Variants in PTPRM observed in about 807,000 individuals in gnomAD.
The protein encoded by PTPRM is protein tyrosine phosphatase receptor type M.
Under a neutral mutation model 186.7 loss-of-function variants are expected in PTPRM, and 47 were observed. The observed-to-expected ratio is 0.25, with a 90% confidence interval of 0.20 to 0.32. The LOEUF is 0.32. Ranked by LOEUF, PTPRM falls within the 10% of genes least tolerant of loss-of-function variation. The pLI is 1.00. For synonymous variants in PTPRM, 668 were observed against 674.9 expected (o/e 0.99, Z 0.16); for missense variants, 1,494 against 1,865.0 (o/e 0.80, Z 3.66).
chr18:7,848,063 A>C (rs1295063953), intron 2 of PTPRM, among the ~76,000 whole-genome samples: 2 of 152,230 alleles, frequency 1.3e-5, no homozygotes, highest in African/African-American at 2.4e-5. Context: ...TTTACATTTC[A>C]AAATATGTGG....
intron 17 of PTPRM, chr18:8,251,734 A>C (rs2094529846): frequency 6.6e-6 from 1 of 152,240 alleles, no homozygotes; most frequent in African/African-American, 2.4e-5. Context: ...AGGTTCCCAA[A>C]CCAGGCCCTG....
chr18:8,103,378 T>A (rs2091378313), intron 11 of PTPRM, among the ~76,000 whole-genome samples: 1 of 152,260 alleles, frequency 6.6e-6, no homozygotes, highest in South Asian at 2.1e-4. Flanking sequence ...TCAATGACTT[T>A]AGCTAGATCT....
intron 31 of PTPRM, among the ~76,000 whole-genome samples, chr18:8,390,860 G>A (rs752741954): frequency 2.0e-5 from 3 of 151,922 alleles, no homozygotes; most frequent in South Asian, 4.2e-4. Flanking sequence ...CCCGGGAGGC[G>A]GAGCTTGCAG....
chr18:8,400,017 G>T (rs1340955707), intron 32 of PTPRM, among the ~76,000 whole-genome samples: 2 of 152,182 alleles, frequency 1.3e-5, no homozygotes, highest in Admixed American at 1.3e-4. Context: ...ATAAAGGGTG[G>T]TAAAGCAGTG....
intron 13 of PTPRM, among the ~76,000 whole-genome samples, chr18:8,128,273 G>C (rs1257585645): frequency 6.6e-6 from 1 of 152,124 alleles, no homozygotes; most frequent in African/African-American, 2.4e-5. Flanking sequence ...GTAGTATTCT[G>C]TAAATATAAG....
intron 30 of PTPRM, among the ~76,000 whole-genome samples, chr18:8,385,529 G>A (rs999240291): frequency 2.0e-5 from 3 of 152,168 alleles, no homozygotes; most frequent in African/African-American, 4.8e-5. Context: ...AGAAGGAAGG[G>A]TCAGTGCAGA....
chr18:8,343,054 C>T (rs1446341285), intron 22 of PTPRM, among the ~76,000 whole-genome samples: 1 of 152,196 alleles, frequency 6.6e-6, no homozygotes, highest in Non-Finnish European at 1.5e-5. Context: ...CCTGGGATAT[C>T]TGCTAATTGT....
chr18:8,239,975 A>G (rs2094397312), intron 14 of PTPRM, among the ~76,000 whole-genome samples: 1 of 152,228 alleles, frequency 6.6e-6, no homozygotes, highest in Admixed American at 6.5e-5. Context: ...TGGAAAATAA[A>G]TTTACTTGTG....
rs1044762979 is a variant in PTPRM, at chr18:7,866,374, C to T, written c.197-21732C>T. Among the ~76,000 whole-genome samples, 5 of 152,120 alleles carry T rather than the reference C, an allele frequency of 3.3e-5. No individual in the cohort carries two copies. The South Asian group carries it at 6.2e-4, about 19-fold the overall frequency. ...CTGCTTTATCTGTGTCCCAGAGATT[C>T]TGGTATGTTGTGTCTGTGTTCTCAT... On this transcript the variant is annotated intron_variant, in intron 2 of 32. Coordinates refer to ENST00000580170, the MANE Select transcript of PTPRM (RefSeq NM_001105244.2).
At chr18:7,971,130 G>A (rs1382514471) in intron 7 of PTPRM, among the ~76,000 whole-genome samples, 2 of 51,770 alleles carry the variant, frequency 3.9e-5, no homozygotes, top group South Asian at 8.0e-4. Context: ...CAATGGAACA[G>A]AACAGAGCCC....
chr18:7,788,642 G>A (rs924958696), intron 2 of PTPRM, among the ~76,000 whole-genome samples: 3 of 152,172 alleles, frequency 2.0e-5, no homozygotes, highest in Non-Finnish European at 4.4e-5. Context: ...TGTTTTGAAA[G>A]ACTTGAAAAT....
intron 11 of PTPRM, among the ~76,000 whole-genome samples, chr18:8,105,718 G>A (rs957992641): frequency 1.3e-5 from 2 of 152,180 alleles, no homozygotes; most frequent in Non-Finnish European, 2.9e-5. Flanking sequence ...GGGCGCCTGT[G>A]GGAGGGTGTA....
In PTPRM at chr18:8,387,145, C is replaced by G; in HGVS notation, c.4118C>G (p.Ser1373Cys). 6.2e-7 allele frequency: 1 copy of G among 1,612,534 alleles called. No individual in the cohort carries two copies. Residue 1373 changes from serine (S) to cysteine (C), a missense_variant, in exon 31 of 33, where the codon TCT becomes TGT. This residue lies in a region of PTPRM where 1,107 missense variants were observed against 1,350.2 expected (regional missense o/e 0.82). Transcript: ENST00000580170. ...GWPMYRDTPV[S>C]KRSFLKLIRQ... ...CCGATGTACAGGGACACACCAGTGT[C>G]TAAGCGCTCCTTCTTGAAGCTCATT...
chr18:7,904,824 G>C (rs1482036079), intron 3 of PTPRM, among the ~76,000 whole-genome samples: 1 of 152,180 alleles, frequency 6.6e-6, no homozygotes, highest in Non-Finnish European at 1.5e-5. Flanking sequence ...ACCATCATGA[G>C]TCATGGTTCC....
chr18:7,785,454 A>C (rs921165205), intron 2 of PTPRM, among the ~76,000 whole-genome samples: 11 of 151,220 alleles, frequency 7.3e-5, no homozygotes, highest in South Asian at 2.1e-4. Flanking sequence ...AGAGAGAGAG[A>C]GCGCGCATGT....
intron 1 of PTPRM, among the ~76,000 whole-genome samples, chr18:7,569,844 A>C (rs2143310270): frequency 6.6e-6 from 1 of 152,350 alleles, no homozygotes; most frequent in Non-Finnish European, 1.5e-5. Flanking sequence ...TGTTTGAGTT[A>C]ATCATACCAT....
intron 14 of PTPRM, among the ~76,000 whole-genome samples, chr18:8,169,501 G>A (rs1304932631): frequency 6.6e-6 from 1 of 152,162 alleles, no homozygotes; most frequent in Admixed American, 6.6e-5. Flanking sequence ...TTCATAAAGT[G>A]TACCTCCATG....
chr18:8,232,505 A>G (rs1332016981), intron 14 of PTPRM, among the ~76,000 whole-genome samples: 3 of 152,210 alleles, frequency 2.0e-5, no homozygotes, highest in African/African-American at 7.2e-5. Flanking sequence ...GAATATGTTA[A>G]TGTTGTAGGA....
intron 31 of PTPRM, among the ~76,000 whole-genome samples, chr18:8,389,632 A>C (rs2095798852): frequency 6.6e-6 from 1 of 152,172 alleles, no homozygotes; most frequent in Non-Finnish European, 1.5e-5. Context: ...CTTAGCATCA[A>C]GGTGGGCATG....
Sources: allele counts gnomAD v4.1 joint callset (sites outside exome capture counted in the v4.1 genomes callset), GRCh38; gene constraint gnomAD v4.1.1; regional missense constraint gnomAD v4.1.1; transcripts MANE v1.5; gene names NCBI Gene and HGNC (gene_info 2026-07-23, HGNC 2026-07-21).